The following TG variants were observed in gnomAD, a reference collection of about 807,000 sequenced individuals.
TG encodes thyroid hormones.
In TG, 270 loss-of-function variants were observed where a neutral mutation model predicts 324.7. The observed-to-expected ratio is 0.83, with a 90% CI of 0.75 to 0.92. TG has a LOEUF of 0.92. TG is among the 40% of genes least tolerant of loss of function. The probability of loss-of-function intolerance (pLI) is 0.00; values close to 1 mark genes in which losing one functional copy is unlikely to be tolerated. For synonymous variants in TG, 1,401 were observed against 1,327.0 expected, an observed-to-expected ratio of 1.06 and a Z score of -1.21; for missense variants, 3,591 against 3,456.4, an observed-to-expected ratio of 1.04 and a Z score of -0.98.
chr8:133,087,071 T>TACACACACAC (rs56028043), intron 41 of TG, among the ~76,000 whole-genome samples: 21 of 143,046 alleles, frequency 1.5e-4, no homozygotes, highest in African/African-American at 5.3e-4. Flanking sequence ...AATATATGTT[T>TACACACACAC]ACACACACAC....
chr8:132,920,292 T>G (rs1417985702), intron 21 of TG, among the ~76,000 whole-genome samples: 2 of 152,232 alleles, frequency 1.3e-5, no homozygotes. Flanking sequence ...TCTCTTCTTG[T>G]TAGTCTGAAA....
chr8:132,880,891 T>C (rs910855639), intron 5 of TG, among the ~76,000 whole-genome samples: 3 of 152,250 alleles, frequency 2.0e-5, no homozygotes, highest in Non-Finnish European at 2.9e-5. Context: ...AATTTACTTC[T>C]TAATTTTCTA....
At chr8:132,918,610 G>A (rs1820708808) in intron 20 of TG, among the ~76,000 whole-genome samples, 1 of 152,158 alleles carries the variant, frequency 6.6e-6, no homozygotes. Context: ...TGACTTCTCT[G>A]CCAGAGGGAG....
intron 41 of TG, among the ~76,000 whole-genome samples, chr8:133,079,532 G>A (rs1845425140): frequency 6.6e-6 from 1 of 152,092 alleles, no homozygotes; most frequent in Non-Finnish European, 1.5e-5. Flanking sequence ...CCAGCTTCAG[G>A]TCTCGGAGGA....
chr8:132,937,233 C>T (rs752436992), intron 25 of TG, among the ~76,000 whole-genome samples: 1 of 152,102 alleles, frequency 6.6e-6, no homozygotes, highest in African/African-American at 2.4e-5. Flanking sequence ...CTCTGAGGTT[C>T]GTAACTCAGG....
chr8:133,134,395 A>T (rs1852197758), intron 47 of TG, among the ~76,000 whole-genome samples: 1 of 152,146 alleles, frequency 6.6e-6, no homozygotes, highest in African/African-American at 2.4e-5. Context: ...TAAACAGGGA[A>T]GGGATCTTGT....
chr8:132,995,716 G>A (rs1832812005), intron 35 of TG, among the ~76,000 whole-genome samples: 1 of 152,150 alleles, frequency 6.6e-6, no homozygotes, highest in African/African-American at 2.4e-5. Context: ...ACTTCTTAGA[G>A]AGAAATCAGA....
At chr8:133,057,847 G>T (rs1312764105) in intron 41 of TG, among the ~76,000 whole-genome samples, 1 of 151,734 alleles carries the variant, frequency 6.6e-6, no homozygotes, top group Non-Finnish European at 1.5e-5. Context: ...CTTGGGAGAA[G>T]AATGATCTCC....
At chr8:133,109,156 G>A (rs1172167800) in intron 43 of TG, among the ~76,000 whole-genome samples, 1 of 152,160 alleles carries the variant, frequency 6.6e-6, no homozygotes, top group Non-Finnish European at 1.5e-5. Flanking sequence ...GTTTCCTGGA[G>A]GAGGTGAGCC....
intron 43 of TG, among the ~76,000 whole-genome samples, chr8:133,111,715 A>G (rs1161253086): frequency 1.8e-5 from 2 of 108,418 alleles, no homozygotes; most frequent in Non-Finnish European, 4.7e-5. Context: ...TCTGTTATGT[A>G]TAAGATAACT....
At chr8:132,877,686 ACTCAGAAATGCCACCC>A (rs1427710084) in intron 5 of TG, among the ~76,000 whole-genome samples, 13 of 152,178 alleles carry the variant, frequency 8.5e-5, no homozygotes, top group East Asian at 5.8e-4. Context: ...CTGAGCATAA[ACTCAGAAATGCCACCC>A]CTTGCCCCTC....
At chr8:133,016,338 T>TTG (rs1835024254) in intron 37 of TG, among the ~76,000 whole-genome samples, 2 of 152,180 alleles carry the variant, frequency 1.3e-5, no homozygotes, top group African/African-American at 4.8e-5. Flanking sequence ...CTGTAGGATG[T>TTG]CTAACAACAG....
At chr8:132,954,470 C>T (rs778710886) in intron 27 of TG, among the ~76,000 whole-genome samples, 11 of 152,214 alleles carry the variant, frequency 7.2e-5, no homozygotes, top group African/African-American at 2.2e-4. Flanking sequence ...AAAGGGTGGA[C>T]TCTGAGGCCA....
At chr8:133,120,544 C>G (rs2131799034) in intron 45 of TG, among the ~76,000 whole-genome samples, 1 of 152,342 alleles carries the variant, frequency 6.6e-6, no homozygotes, top group Non-Finnish European at 1.5e-5. Context: ...TCCGGCCTCT[C>G]TCTTAGCCCC....
chr8:132,948,681 C>G, intron 26 of TG, 95 bp from the exon 27 acceptor site: 2 of 1,342,498 alleles, frequency 1.5e-6, no homozygotes, highest in Non-Finnish European at 2.1e-6. Context: ...ACGCTGTCAC[C>G]TATCTTTATT....
At chr8:133,075,274 A>T in intron 41 of TG, 1 of 287,976 alleles carries the variant, frequency 3.5e-6, no homozygotes. Context: ...TTGCTCTTGT[A>T]CATCCCCAGA....
intron 41 of TG, among the ~76,000 whole-genome samples, chr8:133,094,312 T>C (rs1250908582): frequency 8.9e-5 from 13 of 145,354 alleles, no homozygotes; most frequent in Non-Finnish European, 1.8e-4. Flanking sequence ...GCGATCTCGG[T>C]CCACTGCAAG....
At chr8:132,987,030 T>C (rs1831644564) in intron 35 of TG, among the ~76,000 whole-genome samples, 2 of 152,306 alleles carry the variant, frequency 1.3e-5, no homozygotes, top group South Asian at 4.1e-4. Context: ...TGCTAAACAT[T>C]TGTATTACTG....
intron 41 of TG, among the ~76,000 whole-genome samples, chr8:133,070,373 A>C (rs910783335): frequency 1.3e-5 from 2 of 152,228 alleles, no homozygotes; most frequent in African/African-American, 4.8e-5. Context: ...AGGCCTCTCT[A>C]TTTGTTTTCA....
Sources: allele counts gnomAD v4.1 joint callset (sites outside exome capture counted in the v4.1 genomes callset), GRCh38; gene constraint gnomAD v4.1.1; transcripts MANE v1.5; gene names NCBI Gene and HGNC (gene_info 2026-07-23, HGNC 2026-07-21).